Variants in DIP2C observed in about 807,000 individuals in gnomAD.
The protein encoded by DIP2C is disco-interacting protein 2 homolog C.
A neutral mutation model predicts 192.4 loss-of-function variants in DIP2C; 33 were observed. The observed-to-expected ratio is 0.17, with a 90% confidence interval of 0.13 to 0.23. The LOEUF (loss-of-function observed/expected upper bound fraction) is 0.23. Among genes scored for constraint, DIP2C ranks in the 10% least tolerant of loss-of-function variants. The pLI is 1.00. For synonymous variants in DIP2C, 979 were observed against 864.1 expected, an observed-to-expected ratio of 1.13 and a Z score of -2.33; for missense variants, 1,537 against 2,110.1, an observed-to-expected ratio of 0.73 and a Z score of 5.32.
chr10:456,125 C>T (rs1484169841), intron 3 of DIP2C, among the ~76,000 whole-genome samples: 36 of 68,058 alleles, frequency 5.3e-4, no homozygotes, highest in Non-Finnish European at 5.7e-4. Context: ...GAGGGGAGGC[C>T]GTGAGGAGTA....
In DIP2C at chr10:521,432, T is replaced by TC. The variant is rs565936811; in HGVS notation, c.86-34903dup. 1.1e-4 allele frequency among the ~76,000 whole-genome samples: 17 copies of TC among 152,284 alleles called. 2 individuals carry two copies. In the East Asian group the frequency reaches 3.3e-3, roughly 29 times the overall value. ...AAAATCATCCCTGGCCACATGCTCA[T>TC]CCCTGCCTGCCCCCAGGCACATGCT... On this transcript the variant is annotated intron_variant, in intron 1 of 36. Transcript: ENST00000280886.
At chr10:687,594 T>C (rs1831381292) in intron 1 of DIP2C, among the ~76,000 whole-genome samples, 1 of 152,092 alleles carries the variant, frequency 6.6e-6, no homozygotes, top group Non-Finnish European at 1.5e-5. Flanking sequence ...AGAAACTAAC[T>C]CATTAAGCCC....
chr10:384,785 G>A, intron 14 of DIP2C, 146 bp from the exon 15 acceptor site: 2 of 738,538 alleles, frequency 2.7e-6, no homozygotes, highest in South Asian at 1.8e-5. Context: ...GGCCCCTGGA[G>A]GCTCCTCAGG....
chr10:653,078 C>T (rs1286605428), intron 1 of DIP2C, among the ~76,000 whole-genome samples: 1 of 151,968 alleles, frequency 6.6e-6, no homozygotes, highest in Non-Finnish European at 1.5e-5. Flanking sequence ...CCAGACCAGC[C>T]CCAGAACAGA....
At chr10:554,545 G>T (rs867747478) in intron 1 of DIP2C, among the ~76,000 whole-genome samples, 5 of 152,332 alleles carry the variant, frequency 3.3e-5, no homozygotes, top group Middle Eastern at 3.4e-3. Context: ...GGCTGTGAAT[G>T]GTGCGAGGAA....
intron 17 of DIP2C, among the ~76,000 whole-genome samples, chr10:377,196 T>C (rs1961713360): frequency 6.6e-6 from 1 of 152,084 alleles, no homozygotes; most frequent in African/African-American, 2.4e-5. Flanking sequence ...AATTTTTTGT[T>C]ACCAAAAACG....
At position 357,813 on chromosome 10, in the gene DIP2C, G is replaced by T; in HGVS notation, c.2904+15C>A. 6.2e-7 allele frequency: 1 copy of T among 1,602,220 alleles called. No homozygotes were observed. The highest frequency in any genetic ancestry group is 1.1e-5 in the South Asian group (1 of 90,658). Reference sequence around the variant, plus strand: ...GTCGGGGACGGTCGGGGAGACTCAGGGACCCAGCTCCTACCTTGCGTGCCT... The same window carrying T: ...GTCGGGGACGGTCGGGGAGACTCAGTGACCCAGCTCCTACCTTGCGTGCCT... On this transcript the variant is annotated intron_variant, in intron 23 of 36. Transcript: ENST00000280886.
At chr10:277,987 C>CA (rs1252372998) in intron 36 of DIP2C, among the ~76,000 whole-genome samples, 24 of 152,386 alleles carry the variant, frequency 1.6e-4, no homozygotes, top group African/African-American at 5.0e-4. Context: ...CTCCTGCTTC[C>CA]AGACCCCCAG....
At chr10:501,519 A>AC (rs995753521) in intron 1 of DIP2C, among the ~76,000 whole-genome samples, 1 of 152,112 alleles carries the variant, frequency 6.6e-6, no homozygotes, top group Admixed American at 6.5e-5. Flanking sequence ...ATACCATATT[A>AC]CCCCAATTAT....
intron 2 of DIP2C, among the ~76,000 whole-genome samples, chr10:484,527 C>T (rs1238090693): frequency 6.6e-6 from 1 of 152,104 alleles, no homozygotes; most frequent in East Asian, 1.9e-4. Context: ...TAAGTGGTGC[C>T]CAACTGAGAA....
intron 1 of DIP2C, among the ~76,000 whole-genome samples, chr10:674,735 C>A (rs1830795468): frequency 7.2e-6 from 1 of 139,024 alleles, no homozygotes; most frequent in Non-Finnish European, 1.5e-5. Flanking sequence ...CACCACTGCA[C>A]TCCAGCCTAA....
rs536788927 is a variant in DIP2C at position 532,174 on chromosome 10, G to A, written c.86-45644C>T. 2.6e-5 allele frequency among the ~76,000 whole-genome samples: 4 copies of A among 152,226 alleles called. No homozygotes were observed. The East Asian group carries it at 7.7e-4, about 29-fold the overall frequency. On this transcript the variant is annotated intron_variant, in intron 1 of 36. Coordinates refer to ENST00000280886, the MANE Select transcript of DIP2C (RefSeq NM_014974.3). ...GAAGCTTCTAGAGTAAGAGCCTGTG[G>A]ATTTGTATTGCATGGATGTAAACCC...
chr10:480,484 T>C (rs111919724), intron 2 of DIP2C, among the ~76,000 whole-genome samples: 4,334 of 151,586 alleles, frequency 0.029, 226 homozygotes, highest in African/African-American at 0.099. Flanking sequence ...CGGTCTCATC[T>C]ACCAGCCCGA....
intron 4 of DIP2C, among the ~76,000 whole-genome samples, chr10:431,572 C>T (rs887455105): frequency 1.3e-5 from 2 of 152,188 alleles, no homozygotes; most frequent in African/African-American, 4.8e-5. Context: ...TGGACATGAG[C>T]CACTTTTTTA....
At chr10:409,172 G>A (rs1015698880) in intron 8 of DIP2C, among the ~76,000 whole-genome samples, 155 bp from the exon 9 acceptor site, 6 of 152,142 alleles carry the variant, frequency 3.9e-5, no homozygotes, top group Admixed American at 3.9e-4. Flanking sequence ...AGGGGGAACT[G>A]GTAGGCAAGA....
At chr10:606,839 C>T (rs1376183552) in intron 1 of DIP2C, among the ~76,000 whole-genome samples, 1 of 151,976 alleles carries the variant, frequency 6.6e-6, no homozygotes, top group African/African-American at 2.4e-5. Flanking sequence ...ATCTGGTGGG[C>T]GTCAGTGACG....
chr10:568,016 C>A (rs911229771), intron 1 of DIP2C, among the ~76,000 whole-genome samples: 4 of 152,240 alleles, frequency 2.6e-5, no homozygotes, highest in Non-Finnish European at 5.9e-5. Flanking sequence ...CCGACTACAA[C>A]ACTCGAAGCA....
At chr10:566,873 G>A (rs1048009689) in intron 1 of DIP2C, among the ~76,000 whole-genome samples, 6 of 152,200 alleles carry the variant, frequency 3.9e-5, no homozygotes, top group African/African-American at 7.2e-5. Flanking sequence ...TCCACAGCAC[G>A]TACTGCCTCT....
At chr10:384,448 G>C in intron 15 of DIP2C, 98 bp downstream of exon 15, 1 of 1,225,668 alleles carries the variant, frequency 8.2e-7, no homozygotes, top group Non-Finnish European at 1.2e-6. Flanking sequence ...ATATTGGCCC[G>C]GGTGGTCTGG....
Sources: allele counts gnomAD v4.1 joint callset (sites outside exome capture counted in the v4.1 genomes callset), GRCh38; gene constraint gnomAD v4.1.1; transcripts MANE v1.5; gene names NCBI Gene and HGNC (gene_info 2026-07-23, HGNC 2026-07-21).